Variants in DLEC1 observed in about 807,000 individuals in gnomAD.
The protein encoded by DLEC1 is DLEC1 cilia and flagella associated protein, also known as deleted in lung and esophageal cancer protein 1.
In DLEC1, 146 loss-of-function variants were observed where a neutral mutation model predicts 198.1. The observed-to-expected ratio is 0.74, with a 90% CI of 0.64 to 0.85. The LOEUF is 0.85. DLEC1 is among the 40% of genes least tolerant of loss of function. DLEC1 has a pLI of 0.00. For missense variants in DLEC1, 2,233 were observed against 2,220.0 expected, an observed-to-expected ratio of 1.01 and a Z score of -0.12; for synonymous variants, 897 against 866.8, an observed-to-expected ratio of 1.03 and a Z score of -0.61.
intron 27 of DLEC1, 25 bp downstream of exon 27, chr3:38,115,078 G>C (rs374921217): frequency 6.8e-5 from 110 of 1,613,226 alleles, no homozygotes; most frequent in Non-Finnish European, 8.8e-5. Flanking sequence ...AGAGAAGTCA[G>C]TGTTCTTGCC....
rs1324083876 is a variant in DLEC1 at position 38,117,998 on chromosome 3, G to A, written c.4678G>A (p.Val1560Met). ...EETASADKQL[V>M]LQAQENMLVN... ...GACAGCCTCAGCGGACAAGCAGCTG[G>A]TGCTCCAAGCACAGGAGAACATGCT... The change falls in exon 33 of 37, where the codon GTG (valine) becomes ATG (methionine). Residue 1560 changes from valine to methionine, a missense_variant. Physicochemically the swap from Val to Met is conservative, Grantham distance 21. Coordinates refer to ENST00000308059, the MANE Select transcript of DLEC1 (RefSeq NM_007335.4). The A allele has an allele frequency of 9.3e-6, 15 of 1,610,018 alleles. No individual in the cohort carries two copies. The highest frequency in any genetic ancestry group is 1.3e-5 in the Non-Finnish European group (15 of 1,178,190).
intron 1 of DLEC1, among the ~76,000 whole-genome samples, chr3:38,043,957 T>G (rs201374412): frequency 3.5e-5 from 5 of 143,670 alleles, no homozygotes; most frequent in East Asian, 1.9e-4. Context: ...ACATAAACTG[T>G]TTTTTTTTTT....
intron 1 of DLEC1, among the ~76,000 whole-genome samples, chr3:38,043,062 C>G (rs1461842290): frequency 6.6e-6 from 1 of 152,150 alleles, no homozygotes; most frequent in African/African-American, 2.4e-5. Context: ...CCGTTGGCAG[C>G]TGATCTTCCC....
chr3:38,050,901 A>G (rs968460554), intron 2 of DLEC1, among the ~76,000 whole-genome samples: 3 of 152,110 alleles, frequency 2.0e-5, no homozygotes, highest in Non-Finnish European at 2.9e-5. Context: ...GAGACCTCCA[A>G]AAGGAAAGAC....
chr3:38,085,177 GCCAGC>G, intron 7 of DLEC1, 92 bp from the exon 8 acceptor site: 1 of 1,353,146 alleles, frequency 7.4e-7, no homozygotes, highest in Non-Finnish European at 1.0e-6. Context: ...CACTTACAGA[GCCAGC>G]CCTGGCAGGG....
Position 38,112,138 on chromosome 3 carries a change from C to T in DLEC1, c.3515-72C>T. 1.3e-6 allele frequency: 2 copies of T among 1,598,286 alleles called. No individual in the cohort carries two copies. Among genetic ancestry groups the T allele is most frequent in the Non-Finnish European group, 1.7e-6 (2 of 1,170,576 alleles). ...GGCTTATCGGGGACAGTGCTTTGCT[C>T]ACACACGAGGGTTTGGACCTCACTC... is the stretch of plus-strand genomic sequence containing the variant. On this transcript the variant is annotated intron_variant, in intron 24 of 36. Transcript: ENST00000308059. This position sits in a 1 kb window ranked among gnomAD's most constrained non-coding sequence, Gnocchi z 4.8.
intron 26 of DLEC1, among the ~76,000 whole-genome samples, chr3:38,114,765 G>T (rs1223905165): frequency 2.0e-5 from 3 of 152,182 alleles, no homozygotes; most frequent in African/African-American, 7.2e-5. Flanking sequence ...GTCTGCTCAG[G>T]GCAGGTGGGT....
rs551003182 is a variant in DLEC1 at position 38,093,686 on chromosome 3, T to A, written c.1838T>A (p.Leu613Ter). 2.5e-6 allele frequency: 4 copies of A among 1,614,216 alleles called. No homozygotes were observed. The African/African-American group carries it at 4.0e-5, about 16-fold the overall frequency. The change falls in exon 12 of 37, where the codon TTA becomes TAA. Residue 613 changes from leucine (L) to a stop codon, truncating the protein, a stop_gained. Coordinates refer to ENST00000308059, the MANE Select transcript of DLEC1 (RefSeq NM_007335.4). LOFTEE classifies it high-confidence loss of function. ...SQPDPGELTD[L>*]TAQHFIRFEP... ...CCAGACCCTGGAGAGCTCACAGACT[T>A]AACAGCCCAGCACTTCATACGATTT...
intron 3 of DLEC1, among the ~76,000 whole-genome samples, chr3:38,060,901 T>G (rs749045562): frequency 6.6e-6 from 1 of 151,896 alleles, no homozygotes; most frequent in Non-Finnish European, 1.5e-5. Flanking sequence ...TCCATGTTGG[T>G]CTCAAACTCC....
chr3:38,114,287 G>C (rs1300976851), intron 25 of DLEC1, 55 bp from the exon 26 acceptor site: 1 of 1,573,850 alleles, frequency 6.4e-7, no homozygotes, highest in Non-Finnish European at 8.7e-7. Flanking sequence ...TTGCCCAGAG[G>C]GGATGTGGTC....
chr3:38,095,214 T>C (rs771432184), intron 13 of DLEC1, 143 bp downstream of exon 13: 152 of 987,486 alleles, frequency 1.5e-4, no homozygotes, highest in South Asian at 8.3e-4. Context: ...CTGAGTTGGG[T>C]TGGAGTACAC....
intron 12 of DLEC1, 86 bp from the exon 13 acceptor site, chr3:38,094,793 T>A: frequency 6.7e-7 from 1 of 1,483,198 alleles, no homozygotes; most frequent in Non-Finnish European, 9.2e-7. Flanking sequence ...TCCTGCTCCC[T>A]CTTGGAGCAG....
At chr3:38,080,824 A>G (rs915143643) in intron 6 of DLEC1, among the ~76,000 whole-genome samples, 1 of 117,690 alleles carries the variant, frequency 8.5e-6, no homozygotes. Context: ...TTTTTTTTTA[A>G]TTTATTTTTT....
chr3:38,115,252 A>G (rs1429834906), intron 27 of DLEC1, among the ~76,000 whole-genome samples, 199 bp downstream of exon 27: 1 of 152,166 alleles, frequency 6.6e-6, no homozygotes, highest in Non-Finnish European at 1.5e-5. Context: ...GGAACAGACA[A>G]TAAGAGGGGA....
intron 7 of DLEC1, among the ~76,000 whole-genome samples, chr3:38,084,479 G>A (rs62240744): frequency 8.5e-3 from 42 of 4,956 alleles, no homozygotes; most frequent in African/African-American, 0.036. Context: ...TGGTGGTGGT[G>A]GTAGTAGTGG....
intron 2 of DLEC1, among the ~76,000 whole-genome samples, chr3:38,049,320 G>GTGAGGTAACTTTTTTTTATAACTC: frequency 6.6e-6 from 1 of 152,154 alleles, no homozygotes; most frequent in Non-Finnish European, 1.5e-5. Context: ...TCAGAGAAGG[G>GTGAGGTAACTTTTTTTTATAACTC]TGAGGTAACT....
chr3:38,121,290 G>A (rs1264314453), intron 34 of DLEC1, among the ~76,000 whole-genome samples: 5 of 152,226 alleles, frequency 3.3e-5, no homozygotes, highest in Non-Finnish European at 5.9e-5. Context: ...AATGGTCCAC[G>A]GCTGAGAGGA....
intron 2 of DLEC1, among the ~76,000 whole-genome samples, 171 bp from the exon 3 acceptor site, chr3:38,059,571 A>T (rs1449355043): frequency 6.6e-6 from 1 of 152,238 alleles, no homozygotes; most frequent in Non-Finnish European, 1.5e-5. Flanking sequence ...GGCCTCTTTT[A>T]AGTGGCTGAT....
intron 6 of DLEC1, among the ~76,000 whole-genome samples, chr3:38,070,062 T>C (rs1697233640): frequency 6.6e-6 from 1 of 152,230 alleles, no homozygotes; most frequent in South Asian, 2.1e-4. Context: ...TCACAAAATA[T>C]TAACAAAAGA....
Sources: allele counts gnomAD v4.1 joint callset (sites outside exome capture counted in the v4.1 genomes callset), GRCh38; gene constraint gnomAD v4.1.1; non-coding constraint Gnocchi (gnomAD v3.1); transcripts MANE v1.5; gene names NCBI Gene and HGNC (gene_info 2026-07-23, HGNC 2026-07-21).